Variants in PRKD1 observed in about 807,000 individuals in gnomAD.
PRKD1 encodes serine/threonine-protein kinase D1.
Under a neutral mutation model 95.9 loss-of-function variants are expected in PRKD1, and 63 were observed. The observed-to-expected ratio is 0.66, with a 90% CI of 0.54 to 0.81. The LOEUF (loss-of-function observed/expected upper bound fraction) is 0.81. Among genes scored for constraint, PRKD1 ranks in the 30% least tolerant of loss-of-function variants. The pLI, the probability that PRKD1 is intolerant of heterozygous loss-of-function variation, is 0.00. For synonymous variants in PRKD1, 425 were observed against 423.1 expected (o/e 1.00, Z -0.05); for missense variants, 1,048 against 1,165.3 (o/e 0.90, Z 1.47).
At chr14:29,631,232 T>C (rs1218493041) in intron 9 of PRKD1, among the ~76,000 whole-genome samples, 3 of 152,158 alleles carry the variant, frequency 2.0e-5, no homozygotes, top group Non-Finnish European at 4.4e-5. Context: ...CTAGAAAATG[T>C]GACTTTTTAT....
chr14:29,876,465 T>A (rs964887718), intron 1 of PRKD1, among the ~76,000 whole-genome samples: 2 of 152,164 alleles, frequency 1.3e-5, no homozygotes, highest in Admixed American at 1.3e-4. Flanking sequence ...AAAATCCACA[T>A]AGCTTTACAC....
In PRKD1 at chr14:29,616,573, AG is replaced by A. The variant is rs534201796; in HGVS notation, c.1905+7578del. ...ATCCTCCTGCCTCAGCCACCCAAGT[AG>A]CTGAGACTACAGGTGCACACTACCA... On this transcript the variant is annotated intron_variant, in intron 13 of 17. Transcript: ENST00000331968. Among the ~76,000 whole-genome samples the A allele has an allele frequency of 4.2e-3, 646 of 152,192 alleles. 4 individuals carry two copies. The highest frequency in any genetic ancestry group is 0.015 in the African/African-American group (607 of 41,524).
chr14:29,757,642 T>G (rs1365126288), intron 1 of PRKD1, among the ~76,000 whole-genome samples: 1 of 151,274 alleles, frequency 6.6e-6, no homozygotes, highest in Non-Finnish European at 1.5e-5. Flanking sequence ...GACAGAAAAA[T>G]TAATTGGTTT....
chr14:29,616,970 T>C (rs1229443382), intron 13 of PRKD1, among the ~76,000 whole-genome samples: 2 of 152,158 alleles, frequency 1.3e-5, no homozygotes, highest in Non-Finnish European at 2.9e-5. Flanking sequence ...CTCCCTCAAG[T>C]AGGACCTAGT....
chr14:29,786,193 C>A (rs1889266379), intron 1 of PRKD1, among the ~76,000 whole-genome samples: 1 of 152,080 alleles, frequency 6.6e-6, no homozygotes, highest in South Asian at 2.1e-4. Flanking sequence ...GGACAAATCC[C>A]ACTTTGTCAT....
intron 1 of PRKD1, among the ~76,000 whole-genome samples, chr14:29,794,792 T>A (rs1032757189): frequency 6.6e-6 from 1 of 152,024 alleles, no homozygotes; most frequent in Non-Finnish European, 1.5e-5. Context: ...CTTGAGGAAG[T>A]CTCAAAAATA....
intron 1 of PRKD1, among the ~76,000 whole-genome samples, chr14:29,839,783 C>T (rs1891758263): frequency 6.6e-6 from 1 of 152,114 alleles, no homozygotes; most frequent in Admixed American, 6.5e-5. Context: ...AGGCTTGAGG[C>T]TTGCACCCTG....
chr14:29,579,104 G>C (rs771735479), intron 16 of PRKD1, among the ~76,000 whole-genome samples: 3 of 151,786 alleles, frequency 2.0e-5, no homozygotes, highest in Non-Finnish European at 4.4e-5. Flanking sequence ...GAGTCTGTGA[G>C]TGTAATTTAT....
intron 1 of PRKD1, among the ~76,000 whole-genome samples, chr14:29,838,295 A>G (rs1290262728): frequency 6.6e-6 from 1 of 152,174 alleles, no homozygotes; most frequent in Non-Finnish European, 1.5e-5. Flanking sequence ...AATACAAAAT[A>G]GAAAACTGCA....
At chr14:29,785,471 T>G (rs1328168514) in intron 1 of PRKD1, among the ~76,000 whole-genome samples, 3 of 152,182 alleles carry the variant, frequency 2.0e-5, no homozygotes, top group Non-Finnish European at 4.4e-5. Flanking sequence ...GATAGAGTCC[T>G]AAGGTTTGTC....
At chr14:29,581,956 G>A (rs1387703589) in intron 16 of PRKD1, among the ~76,000 whole-genome samples, 3 of 152,056 alleles carry the variant, frequency 2.0e-5, no homozygotes, top group African/African-American at 7.2e-5. Context: ...TTAAAAGCAG[G>A]CAGTGCTTCC....
intron 1 of PRKD1, among the ~76,000 whole-genome samples, chr14:29,814,369 C>A (rs1466699066): frequency 6.6e-6 from 1 of 152,176 alleles, no homozygotes; most frequent in East Asian, 1.9e-4. Flanking sequence ...TAACAAAAAG[C>A]ACTTAAGAAC....
intron 1 of PRKD1, among the ~76,000 whole-genome samples, chr14:29,920,068 A>AAGGAAAGAAG (rs1566672303): frequency 3.1e-5 from 3 of 96,984 alleles, no homozygotes; most frequent in Non-Finnish European, 6.2e-5. Flanking sequence ...AAGGAAGGAA[A>AAGGAAAGAAG]GAAGGAAGGA....
intron 13 of PRKD1, among the ~76,000 whole-genome samples, chr14:29,615,821 T>C (rs1226367858): frequency 6.6e-6 from 1 of 152,220 alleles, no homozygotes; most frequent in Non-Finnish European, 1.5e-5. Flanking sequence ...AAGGAAGAGT[T>C]CTTGCCTAAG....
intron 1 of PRKD1, among the ~76,000 whole-genome samples, chr14:29,894,277 G>A (rs1411504727): frequency 3.3e-5 from 5 of 152,194 alleles, no homozygotes; most frequent in South Asian, 2.1e-4. Flanking sequence ...CAGGGATGGC[G>A]AAAGAAGTGA....
chr14:29,721,871 C>G (rs915975939), intron 2 of PRKD1, among the ~76,000 whole-genome samples: 1 of 151,924 alleles, frequency 6.6e-6, no homozygotes, highest in African/African-American at 2.4e-5. Flanking sequence ...TGGCTTACTG[C>G]GTTTAAATGT....
chr14:29,642,626 A>G (rs181565467), intron 4 of PRKD1, among the ~76,000 whole-genome samples: 12 of 152,328 alleles, frequency 7.9e-5, no homozygotes, highest in African/African-American at 2.9e-4. Flanking sequence ...ACAACTTTGT[A>G]TGTTTATTAT....
intron 2 of PRKD1, among the ~76,000 whole-genome samples, chr14:29,689,977 A>G (rs1299504863): frequency 6.6e-6 from 1 of 152,192 alleles, no homozygotes; most frequent in Non-Finnish European, 1.5e-5. Flanking sequence ...ACCGGGTTGT[A>G]GGAGGGAGAG....
At chr14:29,599,389 A>G (rs1438223999) in intron 14 of PRKD1, among the ~76,000 whole-genome samples, 1 of 152,244 alleles carries the variant, frequency 6.6e-6, no homozygotes. Context: ...ATATTCTCAA[A>G]GAACCAAAAC....
Sources: allele counts gnomAD v4.1 joint callset (sites outside exome capture counted in the v4.1 genomes callset), GRCh38; gene constraint gnomAD v4.1.1; transcripts MANE v1.5; gene names NCBI Gene and HGNC (gene_info 2026-07-23, HGNC 2026-07-21).